Variants in FAM227B observed in about 807,000 individuals in gnomAD.
FAM227B encodes the protein protein FAM227B.
In FAM227B, 88 loss-of-function variants were observed where a neutral mutation model predicts 73.8. The observed-to-expected ratio is 1.19, with a 90% CI of 1.00 to 1.42. The LOEUF is 1.42. Ranked by LOEUF, FAM227B falls within the 40% of genes most tolerant of loss-of-function variation. FAM227B has a pLI of 0.00. For missense variants in FAM227B, 632 were observed against 590.9 expected (o/e 1.07, Z -0.72); for synonymous variants, 210 against 190.5 (o/e 1.10, Z -0.84).
At chr15:49,468,151 T>G (rs1206943577) in intron 11 of FAM227B, among the ~76,000 whole-genome samples, 1 of 152,142 alleles carries the variant, frequency 6.6e-6, no homozygotes, top group African/African-American at 2.4e-5. Context: ...GACATAATTA[T>G]TTTTGGTTAA....
At chr15:49,555,822 G>T (rs1462092081) in intron 9 of FAM227B, among the ~76,000 whole-genome samples, 1 of 152,138 alleles carries the variant, frequency 6.6e-6, no homozygotes, top group Non-Finnish European at 1.5e-5. Flanking sequence ...TCTTTCCTCA[G>T]CTTGGTCTAT....
Position 49,450,438 on chromosome 15 carries a change from A to G in FAM227B, c.1012+57773T>C, listed in dbSNP as rs1014742628. Among the ~76,000 whole-genome samples the G allele has an allele frequency of 5.9e-5, 9 of 152,068 alleles. No individual in the cohort carries two copies. In the South Asian group the frequency reaches 1.2e-3, roughly 21 times the overall value. ...ACCCTTCAAAACCATCCTGAATGCC[A>G]TTTTTTAAGCCCCTCCTCTTAGCCA... On this transcript the variant is annotated intron_variant, in intron 11 of 15. Coordinates refer to ENST00000299338, the MANE Select transcript of FAM227B (RefSeq NM_152647.3).
intron 9 of FAM227B, among the ~76,000 whole-genome samples, chr15:49,556,908 C>T (rs1205462185): frequency 6.6e-6 from 1 of 152,190 alleles, no homozygotes; most frequent in East Asian, 1.9e-4. Flanking sequence ...GCTCAAGCGT[C>T]CATAGGGGTC....
At chr15:49,469,844 G>A (rs148682304) in intron 11 of FAM227B, among the ~76,000 whole-genome samples, 6 of 152,090 alleles carry the variant, frequency 3.9e-5, no homozygotes, top group African/African-American at 1.2e-4. Context: ...AATTTTTTAC[G>A]ACTCTAAGAA....
intron 6 of FAM227B, chr15:49,577,094 C>T (rs112773586): frequency 0.029 from 10,508 of 357,150 alleles, 1,112 homozygotes; most frequent in African/African-American, 0.21. Flanking sequence ...GTCGGGAGTT[C>T]GAGACCAGCC....
intron 11 of FAM227B, among the ~76,000 whole-genome samples, chr15:49,373,794 T>C (rs1448383941): frequency 6.6e-6 from 1 of 152,102 alleles, no homozygotes; most frequent in Non-Finnish European, 1.5e-5. Flanking sequence ...TTGGAAAAAT[T>C]AAAGAAAGGT....
At chr15:49,517,109 T>C (rs1042364117) in intron 10 of FAM227B, among the ~76,000 whole-genome samples, 3 of 152,220 alleles carry the variant, frequency 2.0e-5, no homozygotes, top group African/African-American at 7.2e-5. Flanking sequence ...TACATTTGTG[T>C]TGTTATAAAT....
chr15:49,547,009 A>T (rs915990643), intron 9 of FAM227B, among the ~76,000 whole-genome samples: 19 of 152,196 alleles, frequency 1.2e-4, no homozygotes, highest in Non-Finnish European at 2.4e-4. Context: ...ATGAAGGAAA[A>T]AATGTTAAGG....
chr15:49,462,914 A>G (rs1184800449), intron 11 of FAM227B, among the ~76,000 whole-genome samples: 2 of 152,226 alleles, frequency 1.3e-5, no homozygotes, highest in Non-Finnish European at 2.9e-5. Flanking sequence ...CACTTTATAC[A>G]TTCAATTTTG....
At chr15:49,382,446 T>G (rs537047041) in intron 11 of FAM227B, among the ~76,000 whole-genome samples, 240 of 152,264 alleles carry the variant, frequency 1.6e-3, no homozygotes, top group African/African-American at 5.5e-3. Context: ...AAAGTAAATT[T>G]GATCTCTACC....
rs573048020 is a variant in FAM227B, at chr15:49,366,752, C to T, written c.1271+696G>A. On this transcript the variant is annotated intron_variant, in intron 13 of 15. Transcript: ENST00000299338. ...TAGGTGGGGTAGGCTGGGAGTCCCG[C>T]CACTGCGCTGCCTCCGTGGCGGGGG... 214 of 791,676 alleles carry T rather than the reference C, an allele frequency of 2.7e-4. No homozygotes were observed. In the African/African-American group the frequency reaches 3.4e-3, roughly 13 times the overall value. 49.0% of individuals were successfully genotyped at this position (791,676 alleles called of 1,614,324 possible).
At chr15:49,485,558 T>C (rs980499556) in intron 11 of FAM227B, 19 of 152,416 alleles carry the variant, frequency 1.2e-4, no homozygotes, top group African/African-American at 4.3e-4. Flanking sequence ...CAACGGCAAG[T>C]TTCCCTCCCT....
chr15:49,604,511 G>C (rs941447826), intron 3 of FAM227B, among the ~76,000 whole-genome samples: 23 of 152,020 alleles, frequency 1.5e-4, no homozygotes, highest in Non-Finnish European at 2.9e-4. Context: ...TCATTATAAT[G>C]TATCTTGGGG....
chr15:49,375,976 AT>A (rs1205537166), intron 11 of FAM227B, among the ~76,000 whole-genome samples: 1 of 152,026 alleles, frequency 6.6e-6, no homozygotes, highest in East Asian at 1.9e-4. Context: ...GTTTGAACTT[AT>A]TATTGATGTG....
intron 11 of FAM227B, among the ~76,000 whole-genome samples, chr15:49,435,122 G>A (rs1436867132): frequency 6.6e-6 from 1 of 151,410 alleles, no homozygotes; most frequent in Admixed American, 6.6e-5. Flanking sequence ...GGTACATGGG[G>A]AAAAGGCATA....
At chr15:49,459,734 A>G (rs1442223289) in intron 11 of FAM227B, among the ~76,000 whole-genome samples, 1 of 152,174 alleles carries the variant, frequency 6.6e-6, no homozygotes, top group Non-Finnish European at 1.5e-5. Flanking sequence ...GCTATAGTTC[A>G]TGACATAAGC....
At chr15:49,367,778 A>G (rs1375368429) in intron 12 of FAM227B, 170 bp from the exon 13 acceptor site, 10 of 561,112 alleles carry the variant, frequency 1.8e-5, no homozygotes, top group South Asian at 1.3e-4. Context: ...GTATGAGTCT[A>G]TAAGTACATG....
At chr15:49,498,665 GCA>G (rs939756869) in intron 11 of FAM227B, among the ~76,000 whole-genome samples, 10 of 152,028 alleles carry the variant, frequency 6.6e-5, no homozygotes, top group Non-Finnish European at 1.2e-4. Flanking sequence ...TTTTTAAAAG[GCA>G]CAGAGTGCCA....
At chr15:49,567,816 T>C (rs980583948) in intron 9 of FAM227B, among the ~76,000 whole-genome samples, 3 of 152,086 alleles carry the variant, frequency 2.0e-5, no homozygotes, top group Non-Finnish European at 4.4e-5. Flanking sequence ...AGCATTTGAT[T>C]CATAATTTTA....
Sources: gnomAD v4.1 joint callset for allele counts (sites outside exome capture counted in the v4.1 genomes callset) on GRCh38, gnomAD v4.1.1 for gene constraint, MANE v1.5 for transcripts, NCBI Gene and HGNC (gene_info 2026-07-23, HGNC 2026-07-21) for gene names.